The following RANBP9 variants were observed in gnomAD, a reference collection of about 807,000 sequenced individuals.
RANBP9 encodes RAN binding protein 9.
RANBP9 carries 15 observed loss-of-function variants against 84.3 expected under a neutral mutation model. The observed-to-expected ratio is 0.18, with a 90% confidence interval of 0.12 to 0.27. RANBP9 has a LOEUF of 0.27. Ranked by LOEUF, RANBP9 falls within the 10% of genes least tolerant of loss-of-function variation. The pLI is 1.00. For synonymous variants in RANBP9, 392 were observed against 349.6 expected (o/e 1.12, Z -1.35); for missense variants, 809 against 912.8 (o/e 0.89, Z 1.46).
chr6:13,656,401 T>TA (rs3839575), intron 4 of RANBP9, among the ~76,000 whole-genome samples: 2,992 of 149,054 alleles, frequency 0.02, 99 homozygotes, highest in African/African-American at 0.068. Context: ...TTCTATAGTT[T>TA]AAAAAAAAAA....
At chr6:13,678,679 C>T (rs182749060) in intron 2 of RANBP9, among the ~76,000 whole-genome samples, 6 of 152,300 alleles carry the variant, frequency 3.9e-5, no homozygotes, top group African/African-American at 1.4e-4. Flanking sequence ...CCCAGGAAAT[C>T]CCAATACTCT....
intron 2 of RANBP9, among the ~76,000 whole-genome samples, chr6:13,666,421 C>T (rs964006517): frequency 6.6e-6 from 1 of 151,530 alleles, no homozygotes; most frequent in Non-Finnish European, 1.5e-5. Context: ...ATGTCAGTAA[C>T]ACATTTTTGA....
chr6:13,700,873 A>C (rs1757951351), intron 1 of RANBP9, among the ~76,000 whole-genome samples: 1 of 152,166 alleles, frequency 6.6e-6, no homozygotes, highest in Non-Finnish European at 1.5e-5. Flanking sequence ...AAAGTTCCCA[A>C]GGTTTTAAGG....
chr6:13,622,099 T>G lies in RANBP9; in HGVS notation c.*263A>C. On this transcript the variant is annotated 3_prime_UTR_variant, in exon 14 of 14. Transcript: ENST00000011619. ...TCTTTTAGGTAATTGTTTTAAAGGA[T>G]TTGTGATGATCAATTTGAACGTCTG... is the stretch of plus-strand genomic sequence containing the variant. The G allele has an allele frequency of 4.2e-6, 1 of 238,450 alleles. No individual in the cohort carries two copies. Among genetic ancestry groups the G allele is most frequent in the Non-Finnish European group, 7.8e-6 (1 of 127,980 alleles). 14.8% of individuals were successfully genotyped at this position (238,450 alleles called of 1,614,324 possible). A position where few individuals can be genotyped will look rare whatever the true frequency, so the allele number is the denominator to read the frequency against.
chr6:13,700,358 T>A (rs920973298), intron 1 of RANBP9, among the ~76,000 whole-genome samples: 15 of 152,178 alleles, frequency 9.9e-5, no homozygotes, highest in Non-Finnish European at 4.4e-5. Flanking sequence ...GCACCTTGTC[T>A]GGTCTTGCTC....
At chr6:13,639,904 C>G in intron 8 of RANBP9, 151 bp from the exon 9 acceptor site, 1 of 659,742 alleles carries the variant, frequency 1.5e-6, no homozygotes, top group Non-Finnish European at 2.5e-6. Flanking sequence ...GTGTCCTATG[C>G]TTTAATGCTT....
chr6:13,699,506 T>C lies in RANBP9; in HGVS notation c.572-2610A>G, dbSNP rs545221204. 2.6e-5 allele frequency among the ~76,000 whole-genome samples: 4 copies of C among 152,328 alleles called. No individual in the cohort carries two copies. In the East Asian group the frequency reaches 7.7e-4, roughly 29 times the overall value. ...GATTTTTTTCAGATTTTACAATATT[T>C]GTGCATACTTACCAGTTGAGCATCC... On this transcript the variant is annotated intron_variant, in intron 1 of 13. Coordinates refer to ENST00000011619, the MANE Select transcript of RANBP9 (RefSeq NM_005493.3).
chr6:13,710,880 G>A (rs1758259493), intron 1 of RANBP9, 55 bp downstream of exon 1: 4 of 1,516,832 alleles, frequency 2.6e-6, no homozygotes, highest in Non-Finnish European at 3.6e-6. Context: ...GCGCAGCGGC[G>A]GCCGGCCACG....
chr6:13,642,625 G>A, intron 6 of RANBP9, 34 bp from the exon 7 acceptor site: 4 of 1,391,052 alleles, frequency 2.9e-6, no homozygotes, highest in Non-Finnish European at 4.0e-6. Context: ...ACATCTTTTA[G>A]TGAAGAGAAT....
chr6:13,653,011 TAGTC>T (rs1363156573), intron 4 of RANBP9, among the ~76,000 whole-genome samples: 14 of 152,254 alleles, frequency 9.2e-5, no homozygotes, highest in Admixed American at 2.6e-4. Flanking sequence ...GGTTGCAAAA[TAGTC>T]AGTTTATTTT....
chr6:13,624,162 C>T (rs780034706), intron 13 of RANBP9, among the ~76,000 whole-genome samples: 7 of 152,166 alleles, frequency 4.6e-5, no homozygotes, highest in Admixed American at 1.3e-4. Flanking sequence ...TTCCGGAGAA[C>T]TACAACACTG....
intron 11 of RANBP9, among the ~76,000 whole-genome samples, chr6:13,633,999 G>A (rs1764866825): frequency 6.6e-6 from 1 of 151,690 alleles, no homozygotes; most frequent in Admixed American, 6.6e-5. Flanking sequence ...TATATACCAG[G>A]GATAGTACTA....
intron 12 of RANBP9, among the ~76,000 whole-genome samples, chr6:13,631,810 T>C (rs1764790192): frequency 6.6e-6 from 1 of 152,232 alleles, no homozygotes; most frequent in South Asian, 2.1e-4. Context: ...TGAATTAGAT[T>C]GTATCCATCC....
Position 13,622,392 on chromosome 6 carries a change from T to G in RANBP9, c.2160A>C (p.Ala720=). Residue 720 remains alanine, a synonymous_variant, in exon 14 of 14, where the codon GCA becomes GCC. Coordinates refer to ENST00000011619, the MANE Select transcript of RANBP9 (RefSeq NM_005493.3). The part of the protein sequence containing the change: ...LMARSGIGSC[A]FATVEDYLH ...GTAGGTAGTCTTCCACTGTGGCAAATGCGCAGGATCCAATTCCTGATCGAG... is the reference window on the plus strand; with the variant it reads ...GTAGGTAGTCTTCCACTGTGGCAAAGGCGCAGGATCCAATTCCTGATCGAG... 6.3e-7 allele frequency: 1 copy of G among 1,597,760 alleles called. No homozygotes were observed. The highest frequency in any genetic ancestry group is 1.3e-5 in the African/African-American group (1 of 74,448).
intron 1 of RANBP9, among the ~76,000 whole-genome samples, chr6:13,700,916 T>C (rs1345823092): frequency 6.6e-6 from 1 of 152,216 alleles, no homozygotes; most frequent in Non-Finnish European, 1.5e-5. Context: ...GCATAAGTCC[T>C]GTTACTTTTA....
At chr6:13,639,782 A>G in intron 8 of RANBP9, 29 bp from the exon 9 acceptor site, 2 of 1,552,894 alleles carry the variant, frequency 1.3e-6, no homozygotes, top group Non-Finnish European at 1.8e-6. Context: ...ATTTACTTAG[A>G]CACAATCTTC....
chr6:13,677,112 A>C (rs1765903898), intron 2 of RANBP9, among the ~76,000 whole-genome samples: 1 of 152,194 alleles, frequency 6.6e-6, no homozygotes, highest in South Asian at 2.1e-4. Flanking sequence ...AGACAACATC[A>C]AAGAATTGAC....
intron 5 of RANBP9, among the ~76,000 whole-genome samples, chr6:13,650,741 G>A (rs1031981272): frequency 1.3e-5 from 2 of 152,146 alleles, no homozygotes; most frequent in Admixed American, 1.3e-4. Context: ...GGAGAAGACA[G>A]TATCACATAG....
intron 1 of RANBP9, among the ~76,000 whole-genome samples, chr6:13,708,910 G>A (rs946468970): frequency 1.3e-5 from 2 of 152,052 alleles, no homozygotes; most frequent in African/African-American, 4.8e-5. Flanking sequence ...CTGACAAGGG[G>A]TAAGAGAGAG....
Sources: gnomAD v4.1 joint callset for allele counts (sites outside exome capture counted in the v4.1 genomes callset) on GRCh38, gnomAD v4.1.1 for gene constraint, MANE v1.5 for transcripts, NCBI Gene and HGNC (gene_info 2026-07-23, HGNC 2026-07-21) for gene names.